PUM2: variants seen among roughly 807,000 people sequenced by gnomAD.
PUM2 encodes pumilio RNA binding family member 2, also known as pumilio homolog 2.
Under a neutral mutation model 124.5 loss-of-function variants are expected in PUM2, and 57 were observed. The ratio of observed to expected loss-of-function variants is 0.46; its 90% CI spans 0.37 to 0.57. The LOEUF is 0.57. Ranked by LOEUF, PUM2 falls within the 20% of genes least tolerant of loss-of-function variation. The pLI, the probability that PUM2 is intolerant of heterozygous loss-of-function variation, is 0.00. For synonymous variants in PUM2, 460 were observed against 446.1 expected (o/e 1.03, Z -0.39); for missense variants, 1,065 against 1,290.6 (o/e 0.83, Z 2.68).
upstream of PUM2, among the ~76,000 whole-genome samples, chr2:20,351,280 C>G (rs1689315627): frequency 6.6e-6 from 1 of 152,268 alleles, no homozygotes; most frequent in Admixed American, 6.5e-5. Flanking sequence ...TTCCAGAGTG[C>G]TGGCGCCCAC....
chr2:20,315,486 A>G (rs981553488), intron 3 of PUM2, among the ~76,000 whole-genome samples: 1 of 152,184 alleles, frequency 6.6e-6, no homozygotes, highest in Non-Finnish European at 1.5e-5. Context: ...ATTCATTTCT[A>G]ATTTTCTCAT....
rs573035342 is a variant in PUM2 at position 20,341,906 on chromosome 2, G to C, written c.-19+8691C>G. ...GCACTTTGGGAGGCTGAGACAGGTG[G>C]ATCACTTGCGGTCATGAGTTCGAGA... On this transcript the variant is annotated intron_variant, in intron 1 of 20. Coordinates refer to ENST00000361078, the MANE Select transcript of PUM2 (RefSeq NM_015317.5). Among the ~76,000 whole-genome samples the C allele has an allele frequency of 2.0e-3, 309 of 152,224 alleles. 1 individual carries two copies. Among genetic ancestry groups the C allele is most frequent in the African/African-American group, 7.2e-3 (297 of 41,528 alleles).
intron 2 of PUM2, among the ~76,000 whole-genome samples, chr2:20,321,556 C>A (rs977644875): frequency 3.3e-5 from 5 of 151,970 alleles, no homozygotes; most frequent in African/African-American, 1.2e-4. Context: ...AGGGGATCTA[C>A]TAGCTGGTGA....
At chr2:20,279,986 C>T (rs757172391) in intron 12 of PUM2, among the ~76,000 whole-genome samples, 11 of 152,072 alleles carry the variant, frequency 7.2e-5, no homozygotes, top group Non-Finnish European at 1.6e-4. Flanking sequence ...GCTCTATATT[C>T]GGACCAATAT....
Position 20,288,309 on chromosome 2 carries a change from A to G in PUM2, c.1291+2343T>C, listed in dbSNP as rs185132859. Among the ~76,000 whole-genome samples, 8 of 152,344 alleles carry G rather than the reference A, an allele frequency of 5.3e-5. No individual in the cohort carries two copies. The East Asian group carries it at 1.5e-3, about 29-fold the overall frequency. On this transcript the variant is annotated intron_variant, in intron 10 of 20. Coordinates refer to ENST00000361078, the MANE Select transcript of PUM2 (RefSeq NM_015317.5). ...ATACCACTCCGCAGAAAAGAGTTAC[A>G]AAGAGTTGGACACAGTCAACAGGGT...
At chr2:20,293,212 T>C (rs1300201139) in intron 9 of PUM2, among the ~76,000 whole-genome samples, 1 of 152,242 alleles carries the variant, frequency 6.6e-6, no homozygotes, top group Non-Finnish European at 1.5e-5. Context: ...AATTTAATCA[T>C]TAATTTTAAA....
rs2148440196 is a variant in PUM2 at position 20,256,186 on chromosome 2, T to C, written c.2485-16A>G. 6.4e-7 allele frequency: 1 copy of C among 1,571,456 alleles called. No homozygotes were observed. Among genetic ancestry groups the C allele is most frequent in the East Asian group, 2.4e-5 (1 of 42,250 alleles). ...CCATTTCACTCTGCAAAAGACAGGA[T>C]GTCATTTAAATTATTACCTCAAACG... On this transcript the variant is annotated splice_polypyrimidine_tract_variant and intron_variant, in intron 16 of 20. Transcript: ENST00000361078.
intron 2 of PUM2, among the ~76,000 whole-genome samples, chr2:20,326,639 AATG>A (rs1288584312): frequency 1.3e-5 from 2 of 152,230 alleles, no homozygotes; most frequent in African/African-American, 4.8e-5. Flanking sequence ...TAAAATATAT[AATG>A]ATGAGGTTAA....
At chr2:20,260,302 G>C in intron 15 of PUM2, 35 bp downstream of exon 15, 3 of 1,572,230 alleles carry the variant, frequency 1.9e-6, no homozygotes, top group Non-Finnish European at 2.6e-6. Context: ...ACAACAGCTG[G>C]ATGGGCGGAT....
chr2:20,282,865 T>C, intron 12 of PUM2, 82 bp downstream of exon 12: 1 of 1,389,060 alleles, frequency 7.2e-7, no homozygotes, highest in Non-Finnish European at 9.8e-7. Context: ...TCCTACATGC[T>C]ATTATTGCTT....
At chr2:20,318,311 T>C (rs1681490188) in intron 3 of PUM2, among the ~76,000 whole-genome samples, 1 of 152,112 alleles carries the variant, frequency 6.6e-6, no homozygotes, top group African/African-American at 2.4e-5. Context: ...ATTAAGAAAA[T>C]GTGCATAGGG....
At chr2:20,284,819 T>C (rs1672352956) in intron 10 of PUM2, among the ~76,000 whole-genome samples, 1 of 152,214 alleles carries the variant, frequency 6.6e-6, no homozygotes, top group South Asian at 2.1e-4. Context: ...AGTGCTCAGA[T>C]AAACACTTCA....
At chr2:20,311,288 TCA>T (rs1679538794) in intron 5 of PUM2, among the ~76,000 whole-genome samples, 1 of 152,158 alleles carries the variant, frequency 6.6e-6, no homozygotes, top group African/African-American at 2.4e-5. Flanking sequence ...ATGCACTGTT[TCA>T]GAGGCTGGTT....
At chr2:20,274,859 G>GA (rs1424948289) in intron 13 of PUM2, among the ~76,000 whole-genome samples, 1 of 146,344 alleles carries the variant, frequency 6.8e-6, no homozygotes, top group East Asian at 2.0e-4. Flanking sequence ...TTTATTAGAA[G>GA]AAGGAAAACA....
At chr2:20,264,811 C>T (rs548801493) in intron 13 of PUM2, among the ~76,000 whole-genome samples, 55 of 152,184 alleles carry the variant, frequency 3.6e-4, no homozygotes, top group Non-Finnish European at 4.7e-4. Flanking sequence ...TATTAAAGGT[C>T]GAAAAGGACT....
chr2:20,292,793 T>C (rs62123451), intron 9 of PUM2, among the ~76,000 whole-genome samples: 5,262 of 152,080 alleles, frequency 0.035, 89 homozygotes, highest in Middle Eastern at 0.068. Flanking sequence ...TAGCCAGGCA[T>C]GATGGCACGT....
chr2:20,347,982 G>A (rs1388086895), intron 1 of PUM2, among the ~76,000 whole-genome samples: 1 of 152,122 alleles, frequency 6.6e-6, no homozygotes, highest in South Asian at 2.1e-4. Context: ...AGCGAAGTGA[G>A]GAGGCAGGAC....
Position 20,251,378 on chromosome 2 carries a change from G to T in PUM2, c.*207C>A. The T allele has an allele frequency of 1.9e-6, 1 of 527,090 alleles. No individual in the cohort carries two copies. The highest frequency in any genetic ancestry group is 3.2e-6 in the Non-Finnish European group (1 of 311,894). The allele number at this position is 527,090 out of a possible 1,614,324, so 32.7% of individuals were successfully genotyped here. ...ATCCAATCTGATAGGTCTCCACTCA[G>T]GGCTGAATATAATTTATAATTCATC... On this transcript the variant is annotated 3_prime_UTR_variant, in exon 21 of 21. Coordinates refer to ENST00000361078, the MANE Select transcript of PUM2 (RefSeq NM_015317.5).
At chr2:20,336,801 TGG>T (rs1462730932) in intron 1 of PUM2, among the ~76,000 whole-genome samples, 42 of 126,448 alleles carry the variant, frequency 3.3e-4, no homozygotes, top group Admixed American at 1.4e-3. Flanking sequence ...TGTGTGTGTG[TGG>T]TACAGACGGG....
Sources: allele counts gnomAD v4.1 joint callset (sites outside exome capture counted in the v4.1 genomes callset), GRCh38; gene constraint gnomAD v4.1.1; transcripts MANE v1.5; gene names NCBI Gene and HGNC (gene_info 2026-07-23, HGNC 2026-07-21).